The following ADCY2 variants were observed in gnomAD, a reference collection of about 807,000 sequenced individuals.
The protein encoded by ADCY2 is adenylate cyclase 2.
Under a neutral mutation model 125.2 loss-of-function variants are expected in ADCY2, and 31 were observed. The observed-to-expected ratio is 0.25, with a 90% CI of 0.19 to 0.33. ADCY2 has a LOEUF of 0.33. Ranked by LOEUF, ADCY2 falls within the 10% of genes least tolerant of loss-of-function variation. The pLI is 1.00. For synonymous variants in ADCY2, 512 were observed against 548.4 expected, an observed-to-expected ratio of 0.93 and a Z score of 0.93; for missense variants, 904 against 1,418.2, an observed-to-expected ratio of 0.64 and a Z score of 5.82.
intron 3 of ADCY2, among the ~76,000 whole-genome samples, chr5:7,617,797 G>A (rs996885021): frequency 6.6e-6 from 1 of 152,204 alleles, no homozygotes; most frequent in Non-Finnish European, 1.5e-5. Context: ...TACACTGTGG[G>A]GAGAGTGCTT....
chr5:7,537,317 G>C (rs1734846478), intron 3 of ADCY2, among the ~76,000 whole-genome samples: 1 of 152,052 alleles, frequency 6.6e-6, no homozygotes, highest in African/African-American at 2.4e-5. Context: ...TTTGTCTTAA[G>C]TGTTAGAAAA....
chr5:7,808,046 C>T (rs1744808472), intron 22 of ADCY2, among the ~76,000 whole-genome samples: 1 of 152,222 alleles, frequency 6.6e-6, no homozygotes, highest in South Asian at 2.1e-4. Context: ...GATTCTGATG[C>T]TCACAGAAGA....
chr5:7,784,343 TTGTC>T lies in ADCY2; in HGVS notation c.2385-14_2385-11del, dbSNP rs764923448. ...GTTGTTTTGTTGCATTGTTGTCTGT[TTGTC>T]TGTCTGTTTTTTAATAGACCAGGCA... On this transcript the variant is annotated intron_variant, in intron 18 of 24. Coordinates refer to ENST00000338316, the MANE Select transcript of ADCY2 (RefSeq NM_020546.3). 7.0e-6 allele frequency: 11 copies of T among 1,577,834 alleles called. No individual in the cohort carries two copies. The highest frequency in any genetic ancestry group is 5.6e-5 in the South Asian group (5 of 90,028).
In ADCY2 at chr5:7,709,599, C is replaced by T. The variant is rs1741376080; in HGVS notation, c.1578+212C>T. 6.6e-6 allele frequency among the ~76,000 whole-genome samples: 1 copy of T among 152,178 alleles called. No homozygotes were observed. The highest frequency in any genetic ancestry group is 1.5e-5 in the Non-Finnish European group (1 of 68,036). ...AGGGTTCCACCCTAGCGTGATTTTGCATTATAGCTTCATAACCCAAGACAG... is the reference window on the plus strand; with the variant it reads ...AGGGTTCCACCCTAGCGTGATTTTGTATTATAGCTTCATAACCCAAGACAG... On this transcript the variant is annotated intron_variant, in intron 10 of 24. Transcript: ENST00000338316. This position sits in a 1 kb window ranked among gnomAD's most constrained non-coding sequence, Gnocchi z 4.4.
intron 2 of ADCY2, among the ~76,000 whole-genome samples, chr5:7,485,954 T>C (rs1357291257): frequency 6.6e-6 from 1 of 152,198 alleles, no homozygotes; most frequent in African/African-American, 2.4e-5. Context: ...ATCTTTTACA[T>C]TTATTTTAAT....
intron 3 of ADCY2, among the ~76,000 whole-genome samples, chr5:7,532,471 C>A (rs2126547878): frequency 6.6e-6 from 1 of 152,228 alleles, no homozygotes; most frequent in Non-Finnish European, 1.5e-5. Flanking sequence ...ACTGCTTTGC[C>A]TTGTTCCTCC....
intron 2 of ADCY2, among the ~76,000 whole-genome samples, chr5:7,507,697 G>A (rs1743892015): frequency 6.6e-6 from 1 of 152,106 alleles, no homozygotes; most frequent in Non-Finnish European, 1.5e-5. Flanking sequence ...TCCTGGTGTT[G>A]GAACGAGGTG....
chr5:7,509,312 G>A (rs1227805129), intron 2 of ADCY2, among the ~76,000 whole-genome samples: 1 of 152,174 alleles, frequency 6.6e-6, no homozygotes, highest in Non-Finnish European at 1.5e-5. Flanking sequence ...GAAGGAATCA[G>A]GATTAGGAGA....
At chr5:7,458,593 G>A (rs1285009054) in intron 2 of ADCY2, among the ~76,000 whole-genome samples, 1 of 152,092 alleles carries the variant, frequency 6.6e-6, no homozygotes, top group Non-Finnish European at 1.5e-5. Context: ...ATTTCCAGCT[G>A]GCGTATGTTA....
rs373480375 is a variant in ADCY2 at position 7,697,145 on chromosome 5, T to A, written c.982-1102T>A. ...GGGCCCACCCAATTCCAGTTCTACC[T>A]CCTCTTAACTAATTAAATCTGCAGG... is the stretch of plus-strand genomic sequence containing the variant. On this transcript the variant is annotated intron_variant, in intron 6 of 24. Coordinates refer to ENST00000338316, the MANE Select transcript of ADCY2 (RefSeq NM_020546.3). 1.1e-4 allele frequency among the ~76,000 whole-genome samples: 16 copies of A among 152,062 alleles called. No individual in the cohort carries two copies. The East Asian group carries it at 2.1e-3, about 20-fold the overall frequency.
At chr5:7,545,760 C>T (rs895160054) in intron 3 of ADCY2, among the ~76,000 whole-genome samples, 10 of 152,208 alleles carry the variant, frequency 6.6e-5, no homozygotes, top group African/African-American at 2.2e-4. Context: ...ACACGCCAAC[C>T]GATAAACAGC....
At chr5:7,761,148 CTTT>C (rs367998018) in intron 16 of ADCY2, among the ~76,000 whole-genome samples, 10 of 88,176 alleles carry the variant, frequency 1.1e-4, no homozygotes, top group Middle Eastern at 0.011. Flanking sequence ...CTTTTCTTTT[CTTT>C]TTTTTTTTTT....
intron 4 of ADCY2, among the ~76,000 whole-genome samples, chr5:7,680,914 A>C (rs1252595102): frequency 6.6e-6 from 1 of 152,228 alleles, no homozygotes; most frequent in Non-Finnish European, 1.5e-5. Flanking sequence ...TAATTACTAA[A>C]ATGCATTTTC....
intron 3 of ADCY2, among the ~76,000 whole-genome samples, chr5:7,565,302 T>C (rs1488246082): frequency 6.6e-6 from 1 of 152,226 alleles, no homozygotes; most frequent in Non-Finnish European, 1.5e-5. Flanking sequence ...ATTAAGACAT[T>C]TATCAGAAGT....
intron 2 of ADCY2, among the ~76,000 whole-genome samples, chr5:7,446,095 A>G (rs1258384733): frequency 6.6e-6 from 1 of 152,202 alleles, no homozygotes; most frequent in African/African-American, 2.4e-5. Flanking sequence ...ATATTAAGTA[A>G]GAGCTGGCAT....
At chr5:7,552,971 G>A (rs1441261382) in intron 3 of ADCY2, among the ~76,000 whole-genome samples, 1 of 152,160 alleles carries the variant, frequency 6.6e-6, no homozygotes, top group African/African-American at 2.4e-5. Context: ...GCTTTAAACT[G>A]GCCACTCAGG....
intron 21 of ADCY2, among the ~76,000 whole-genome samples, chr5:7,803,791 T>C (rs762781368): frequency 2.6e-5 from 4 of 152,010 alleles, no homozygotes; most frequent in South Asian, 2.1e-4. Context: ...TCTCAGCCTC[T>C]TGGGAGTCTG....
intron 2 of ADCY2, among the ~76,000 whole-genome samples, chr5:7,462,763 T>G (rs541898617): frequency 3.3e-5 from 5 of 152,274 alleles, no homozygotes; most frequent in Non-Finnish European, 7.3e-5. Context: ...ATAACAATTC[T>G]GTGTTAGGCA....
chr5:7,624,144 A>G (rs999877097), intron 3 of ADCY2, among the ~76,000 whole-genome samples: 2 of 152,166 alleles, frequency 1.3e-5, no homozygotes, highest in African/African-American at 2.4e-5. Flanking sequence ...ACCTCGTCAC[A>G]TCATTCTTTT....
Sources: gnomAD v4.1 joint callset for allele counts (sites outside exome capture counted in the v4.1 genomes callset) on GRCh38, gnomAD v4.1.1 for gene constraint, Gnocchi (gnomAD v3.1) non-coding constraint, MANE v1.5 for transcripts, NCBI Gene and HGNC (gene_info 2026-07-23, HGNC 2026-07-21) for gene names.